CDH1: variants seen among roughly 807,000 people sequenced by gnomAD.
CDH1 encodes the protein cadherin 1, also known as cadherin-1.
CDH1 carries 35 observed loss-of-function variants against 84.5 expected under a neutral mutation model. The observed-to-expected ratio is 0.41, with a 90% CI of 0.32 to 0.55. CDH1 has a LOEUF of 0.55. CDH1 is among the 20% of genes least tolerant of loss of function. The pLI is 0.19. For missense variants in CDH1, 994 were observed against 1,126.6 expected, an observed-to-expected ratio of 0.88 and a Z score of 1.68; for synonymous variants, 417 against 439.0, an observed-to-expected ratio of 0.95 and a Z score of 0.63.
intron 12 of CDH1, chr16:68,822,447 C>G (rs1382991584): frequency 6.6e-6 from 4 of 601,690 alleles, no homozygotes; most frequent in Non-Finnish European, 1.2e-5. Context: ...AAAACCCAAG[C>G]AGGGCTCCCT....
Position 68,782,691 on chromosome 16 carries a change from G to A in CDH1, c.164-18979G>A, listed in dbSNP as rs374158455. On this transcript the variant is annotated intron_variant, in intron 2 of 15. Coordinates refer to ENST00000261769, the MANE Select transcript of CDH1 (RefSeq NM_004360.5). ...GATTATCTTGTTCTTTCTTCTCTCCGCTGGCCCACATCTTACCCTCTGGTG... is the reference window on the plus strand; with the variant it reads ...GATTATCTTGTTCTTTCTTCTCTCCACTGGCCCACATCTTACCCTCTGGTG... 5.5e-4 allele frequency among the ~76,000 whole-genome samples: 84 copies of A among 152,210 alleles called. No individual in the cohort carries two copies. In the South Asian group the frequency reaches 0.016, roughly 29 times the overall value.
rs1267384637 is a variant in CDH1, at chr16:68,828,244, G to A, written c.2235G>A (p.Glu745=). ...TCAAAGAGCCCTTACTGCCCCCAGA[G>A]GATGACACCCGGGACAACGTTTATT... ...AVVKEPLLPP[E]DDTRDNVYYY... Residue 745 remains glutamate (E), a synonymous_variant, in exon 14 of 16, where the codon GAG becomes GAA. Coordinates refer to ENST00000261769, the MANE Select transcript of CDH1 (RefSeq NM_004360.5). 6.2e-7 allele frequency: 1 copy of A among 1,613,988 alleles called. No homozygotes were observed. The highest frequency in any genetic ancestry group is 8.5e-7 in the Non-Finnish European group (1 of 1,180,018).
rs544725075 is a variant in CDH1 at position 68,788,088 on chromosome 16, A to T, written c.164-13582A>T. Among the ~76,000 whole-genome samples the T allele has an allele frequency of 3.9e-4, 60 of 152,218 alleles. 1 individual carries two copies. In the East Asian group the frequency reaches 0.011, roughly 27 times the overall value. Reference sequence around the variant, plus strand: ...GTGATTCGCCCTCCTTGGCCTCCCAAAGTGCTGGGATTACAGGTGTGAGCC... The same window carrying T: ...GTGATTCGCCCTCCTTGGCCTCCCATAGTGCTGGGATTACAGGTGTGAGCC... On this transcript the variant is annotated intron_variant, in intron 2 of 15. Transcript: ENST00000261769.
At chr16:68,804,248 A>G (rs571590080) in intron 3 of CDH1, among the ~76,000 whole-genome samples, 4 of 151,144 alleles carry the variant, frequency 2.6e-5, no homozygotes, top group African/African-American at 7.3e-5. Flanking sequence ...TGAGTAGCTG[A>G]GACTACAGGC....
intron 5 of CDH1, 42 bp from the exon 6 acceptor site, chr16:68,810,155 T>G: frequency 3.1e-6 from 5 of 1,612,884 alleles, no homozygotes; most frequent in Non-Finnish European, 4.2e-6. Context: ...CCATGTTTTC[T>G]TCCTCATCAG....
chr16:68,753,588 C>T (rs1044208303), intron 2 of CDH1, among the ~76,000 whole-genome samples: 3 of 151,966 alleles, frequency 2.0e-5, no homozygotes, highest in Admixed American at 6.6e-5. Context: ...CTGCCCTCCT[C>T]GGCCTCCCAA....
chr16:68,742,108 C>CG (rs1962583049), intron 2 of CDH1, among the ~76,000 whole-genome samples: 1 of 152,066 alleles, frequency 6.6e-6, no homozygotes, highest in Admixed American at 6.6e-5. Flanking sequence ...GACTCAGGCG[C>CG]GGAAAAAAGA....
chr16:68,738,193 C>T (rs1962451064), intron 1 of CDH1, 104 bp from the exon 2 acceptor site: 5 of 781,558 alleles, frequency 6.4e-6, no homozygotes, highest in South Asian at 1.7e-5. Flanking sequence ...GGTCCTCCCC[C>T]AATCCCGACG....
chr16:68,752,589 G>A (rs905278841), intron 2 of CDH1, among the ~76,000 whole-genome samples: 18 of 152,032 alleles, frequency 1.2e-4, no homozygotes, highest in Non-Finnish European at 1.5e-4. Context: ...CACTGTAGTT[G>A]TTTTTTTCTT....
chr16:68,813,188 G>T (rs191798782), intron 8 of CDH1, 125 bp from the exon 9 acceptor site: 20 of 979,708 alleles, frequency 2.0e-5, no homozygotes, highest in Admixed American at 1.1e-4. Flanking sequence ...ATACACTCCA[G>T]CCTGGTGACA....
chr16:68,819,961 G>A (rs1961095876), intron 11 of CDH1, among the ~76,000 whole-genome samples: 1 of 152,140 alleles, frequency 6.6e-6, no homozygotes, highest in Non-Finnish European at 1.5e-5. Context: ...CACTTAGAGA[G>A]GCTGAGGTGG....
chr16:68,771,764 A>C (rs1959583276), intron 2 of CDH1, among the ~76,000 whole-genome samples: 1 of 151,048 alleles, frequency 6.6e-6, no homozygotes, highest in Non-Finnish European at 1.5e-5. Flanking sequence ...AAAAAAAAAA[A>C]ATTTTTTTTT....
rs1469811808 is a variant in CDH1 at position 68,824,424 on chromosome 16, C to T, written c.2164+798C>T. On this transcript the variant is annotated intron_variant, in intron 13 of 15. Coordinates refer to ENST00000261769, the MANE Select transcript of CDH1 (RefSeq NM_004360.5). ...TCTAAGCTAGCCAGCTCACCACCAC[C>T]ACCTCTACATTCCATCCTAGATTGG... Among the ~76,000 whole-genome samples, 4 of 152,188 alleles carry T rather than the reference C, an allele frequency of 2.6e-5. No individual in the cohort carries two copies. The East Asian group carries it at 7.7e-4, about 29-fold the overall frequency.
intron 9 of CDH1, chr16:68,814,230 T>A (rs1960924647): frequency 6.6e-6 from 1 of 151,036 alleles, no homozygotes; most frequent in Admixed American, 6.5e-5. Context: ...TGAGACTTCG[T>A]CTCAAAAAAA....
At chr16:68,741,178 T>G (rs544811970) in intron 2 of CDH1, among the ~76,000 whole-genome samples, 1 of 152,174 alleles carries the variant, frequency 6.6e-6, no homozygotes, top group African/African-American at 2.4e-5. Context: ...CCCTTTATGT[T>G]CACAGACCCC....
intron 2 of CDH1, among the ~76,000 whole-genome samples, chr16:68,791,777 A>G (rs537937110): frequency 3.9e-5 from 6 of 152,312 alleles, no homozygotes; most frequent in African/African-American, 1.2e-4. Context: ...CCATGAGGTC[A>G]GGGACTTTGC....
In CDH1 at chr16:68,818,867, A is replaced by AAAAG. The variant is rs1239836338; in HGVS notation, c.1566-404_1566-401dup. Among the ~76,000 whole-genome samples the AAAAG allele has an allele frequency of 9.2e-4, 135 of 147,268 alleles. 1 individual carries two copies. The highest frequency in any genetic ancestry group is 3.7e-3 in the Middle Eastern group (1 of 268). ...TCCGTCTCAAAAAAAAAAAAAAAAA[A>AAAAG]AAAGAAAGAAAGGGTTTCACTTTTG... is the stretch of plus-strand genomic sequence containing the variant. On this transcript the variant is annotated intron_variant, in intron 10 of 15. Transcript: ENST00000261769.
At chr16:68,742,332 T>G (rs956875056) in intron 2 of CDH1, 3 of 151,256 alleles carry the variant, frequency 2.0e-5, no homozygotes, top group African/African-American at 7.3e-5. Flanking sequence ...CAGACTGGAG[T>G]GCAGTGACGT....
At chr16:68,827,024 A>G (rs570364889) in intron 13 of CDH1, among the ~76,000 whole-genome samples, 11 of 152,284 alleles carry the variant, frequency 7.2e-5, no homozygotes, top group African/African-American at 2.2e-4. Flanking sequence ...TAATCTCAGC[A>G]CTTTGGGAGG....
Sources: allele counts gnomAD v4.1 joint callset (sites outside exome capture counted in the v4.1 genomes callset), GRCh38; gene constraint gnomAD v4.1.1; transcripts MANE v1.5; gene names NCBI Gene and HGNC (gene_info 2026-07-23, HGNC 2026-07-21).